Variants in TENT4B observed in about 807,000 individuals in gnomAD.
TENT4B encodes the protein PAP associated domain containing 5.
A neutral mutation model predicts 75.0 loss-of-function variants in TENT4B; 10 were observed. That is an observed-to-expected ratio of 0.13 (90% CI 0.08 to 0.23). The LOEUF (loss-of-function observed/expected upper bound fraction) is 0.23, where lower values mean the gene tolerates loss of function less well. TENT4B is among the 10% of genes least tolerant of loss of function. The pLI is 1.00. For missense variants in TENT4B, 579 were observed against 893.8 expected, an observed-to-expected ratio of 0.65 and a Z score of 4.49; for synonymous variants, 350 against 357.7, an observed-to-expected ratio of 0.98 and a Z score of 0.24.
In TENT4B at chr16:50,223,269, A is replaced by G. The variant is rs2031907929; in HGVS notation, c.1263A>G (p.Leu421=). ...TATATGGACGACACTTCAATTATTTAAAGACTGGCATCCGGATAAAGGATG... is the reference window on the plus strand; with the variant it reads ...TATATGGACGACACTTCAATTATTTGAAGACTGGCATCCGGATAAAGGATG... ...FELYGRHFNY[L]KTGIRIKDGG... Residue 421 remains leucine, a synonymous_variant, in exon 7 of 12, where the codon TTA becomes TTG. Coordinates refer to ENST00000561678, the MANE Select transcript of TENT4B (RefSeq NM_001365324.3). 2.5e-6 allele frequency: 4 copies of G among 1,613,750 alleles called. No homozygotes were observed. The highest frequency in any genetic ancestry group is 2.7e-5 in the African/African-American group (2 of 75,038).
chr16:50,213,382 C>T (rs577831929), intron 2 of TENT4B, among the ~76,000 whole-genome samples: 3 of 152,214 alleles, frequency 2.0e-5, no homozygotes, highest in African/African-American at 4.8e-5. Context: ...TTACAATTAC[C>T]TGCATACATA....
chr16:50,172,274 G>C (rs2150683861), intron 1 of TENT4B, among the ~76,000 whole-genome samples: 1 of 151,890 alleles, frequency 6.6e-6, no homozygotes, highest in East Asian at 1.9e-4. Context: ...AGAATTGGGA[G>C]GCAGAGGTTG....
In TENT4B at chr16:50,230,227, A is replaced by G. The variant is rs748808021; in HGVS notation, c.*899A>G. ...TTTCTATAGTGCTGTCGTCTTGGGC[A>G]ATGGGCAATTACATGACTTTGTGTT... On this transcript the variant is annotated 3_prime_UTR_variant, in exon 12 of 12. Transcript: ENST00000561678. 34 of 983,516 alleles carry G rather than the reference A, an allele frequency of 3.5e-5. No homozygotes were observed. Among genetic ancestry groups the G allele is most frequent in the Non-Finnish European group, 4.0e-5 (33 of 829,580 alleles). 60.9% of individuals were successfully genotyped at this position (983,516 alleles called of 1,614,324 possible). A position where few individuals can be genotyped will look rare whatever the true frequency, so the allele number is the denominator to read the frequency against.
chr16:50,197,743 C>G (rs1567498748), intron 1 of TENT4B, among the ~76,000 whole-genome samples: 2 of 152,118 alleles, frequency 1.3e-5, no homozygotes, highest in Admixed American at 1.3e-4. Context: ...ACAGAAACAG[C>G]CGGATTGGTT....
At chr16:50,225,662 C>G (rs1392693026) in intron 10 of TENT4B, among the ~76,000 whole-genome samples, 1 of 151,870 alleles carries the variant, frequency 6.6e-6, no homozygotes, top group Non-Finnish European at 1.5e-5. Flanking sequence ...TAGCCAGACT[C>G]CAGTATTTGT....
chr16:50,160,903 A>G (rs2037991841), intron 1 of TENT4B, among the ~76,000 whole-genome samples: 1 of 152,218 alleles, frequency 6.6e-6, no homozygotes, highest in South Asian at 2.1e-4. Context: ...GACTGTATTA[A>G]TCACTTACAC....
chr16:50,205,250 A>C (rs1217310501), intron 1 of TENT4B, among the ~76,000 whole-genome samples: 4 of 152,170 alleles, frequency 2.6e-5, no homozygotes, highest in Non-Finnish European at 5.9e-5. Context: ...GCATACTCAC[A>C]ACCATATTTT....
chr16:50,174,706 C>G (rs1433651443), intron 1 of TENT4B, among the ~76,000 whole-genome samples: 1 of 150,524 alleles, frequency 6.6e-6, no homozygotes, highest in Non-Finnish European at 1.5e-5. Context: ...TACCCCTTAA[C>G]CAACCATTCT....
intron 1 of TENT4B, among the ~76,000 whole-genome samples, chr16:50,169,234 G>A (rs2038159590): frequency 6.6e-6 from 1 of 151,826 alleles, no homozygotes; most frequent in Non-Finnish European, 1.5e-5. Context: ...ATATTTATTT[G>A]TTGAAGAAAC....
chr16:50,232,047 C>T lies in TENT4B; in HGVS notation c.*2719C>T, dbSNP rs1368250109. 3 of 985,156 alleles carry T rather than the reference C, an allele frequency of 3.0e-6. No individual in the cohort carries two copies. The highest frequency in any genetic ancestry group is 3.6e-6 in the Non-Finnish European group (3 of 829,816). 61.0% of individuals were successfully genotyped at this position (985,156 alleles called of 1,614,324 possible). On this transcript the variant is annotated 3_prime_UTR_variant, in exon 12 of 12. Transcript: ENST00000561678. ...CCTCACTCTGGTGACATTTCTCAGG[C>T]AGTCATGTATGTGTACCTGGCCATT...
At chr16:50,226,989 T>C (rs1485812262) in intron 10 of TENT4B, among the ~76,000 whole-genome samples, 1 of 152,228 alleles carries the variant, frequency 6.6e-6, no homozygotes, top group Non-Finnish European at 1.5e-5. Flanking sequence ...TATGTGTCAA[T>C]TATAATGTAA....
chr16:50,217,761 T>TCTCTCTCTCTCTCTCTCTCTCTCC, intron 5 of TENT4B, 98 bp downstream of exon 5: 9 of 451,134 alleles, frequency 2.0e-5, no homozygotes, highest in South Asian at 2.3e-5. Context: ...CATGTTGCTG[T>TCTCTCTCTCTCTCTCTCTCTCTCC]CTCTCTCTCT....
chr16:50,225,686 C>CTT (rs1210292398), intron 10 of TENT4B, among the ~76,000 whole-genome samples: 21 of 143,608 alleles, frequency 1.5e-4, no homozygotes, highest in African/African-American at 4.3e-4. Context: ...TTGTTTTTTC[C>CTT]TTTTTTTTTT....
At chr16:50,205,794 T>C (rs1401897474) in intron 1 of TENT4B, among the ~76,000 whole-genome samples, 4 of 151,924 alleles carry the variant, frequency 2.6e-5, no homozygotes, top group Non-Finnish European at 1.5e-5. Flanking sequence ...TTTCGCCATG[T>C]TGGCCAGGCT....
chr16:50,154,048 G>A lies in TENT4B; in HGVS notation c.427G>A (p.Ala143Thr). The A allele has an allele frequency of 6.5e-7, 1 of 1,531,342 alleles. No homozygotes were observed. The highest frequency in any genetic ancestry group is 8.7e-7 in the Non-Finnish European group (1 of 1,145,014). 94.9% of individuals were successfully genotyped at this position (1,531,342 alleles called of 1,614,324 possible). A position where few individuals can be genotyped will look rare whatever the true frequency, so the allele number is the denominator to read the frequency against. The change falls in exon 1 of 12, where the codon GCC becomes ACC. Residue 143 changes from alanine to threonine, a missense_variant. Ala to Thr is a moderately conservative substitution (Grantham distance 58). This residue lies in a region of TENT4B where 253 missense variants were observed against 270.1 expected (regional missense o/e 0.94). Transcript: ENST00000561678. ...PSASSSPHPS[A>T]AVPAADPADS... ...GGCGTCCTCGTCCCCGCACCCTTCGGCCGCCGTCCCCGCCGCCGATCCAGC... is the reference window on the plus strand; with the variant it reads ...GGCGTCCTCGTCCCCGCACCCTTCGACCGCCGTCCCCGCCGCCGATCCAGC...
At chr16:50,160,027 G>A (rs545681442) in intron 1 of TENT4B, among the ~76,000 whole-genome samples, 15 of 152,062 alleles carry the variant, frequency 9.9e-5, no homozygotes, top group Non-Finnish European at 2.1e-4. Flanking sequence ...AGCCTCCTGA[G>A]TAGCTGGGAT....
intron 1 of TENT4B, among the ~76,000 whole-genome samples, chr16:50,169,388 T>G (rs977855411): frequency 7.0e-4 from 2 of 2,868 alleles, no homozygotes; most frequent in South Asian, 7.4e-3. Context: ...ATTTTGTGGG[T>G]TTTTTTTTTT....
At chr16:50,168,559 C>T (rs2038146892) in intron 1 of TENT4B, among the ~76,000 whole-genome samples, 1 of 151,430 alleles carries the variant, frequency 6.6e-6, no homozygotes, top group African/African-American at 2.4e-5. Flanking sequence ...GTTGATCCAC[C>T]CACCTTGGCC....
Position 50,227,745 on chromosome 16 carries a change from C to T in TENT4B, c.1801-94C>T. On this transcript the variant is annotated intron_variant, in intron 10 of 11. Transcript: ENST00000561678. ...AACTCCCAAATGTTTAAATTTAGTC[C>T]AGAGAGTACTTTAACCAAAATTGTT... 4 of 1,365,048 alleles carry T rather than the reference C, an allele frequency of 2.9e-6. No individual in the cohort carries two copies. In the South Asian group the frequency reaches 4.0e-5, roughly 14 times the overall value. 84.6% of individuals were successfully genotyped at this position (1,365,048 alleles called of 1,614,324 possible). A position where few individuals can be genotyped will look rare whatever the true frequency, so the allele number is the denominator to read the frequency against.
Sources: allele counts gnomAD v4.1 joint callset (sites outside exome capture counted in the v4.1 genomes callset), GRCh38; gene constraint gnomAD v4.1.1; regional missense constraint gnomAD v4.1.1; transcripts MANE v1.5; gene names NCBI Gene and HGNC (gene_info 2026-07-23, HGNC 2026-07-21).